DCLK1: variants seen among roughly 807,000 people sequenced by gnomAD.
The protein encoded by DCLK1 is serine/threonine-protein kinase DCLK1.
Under a neutral mutation model 86.2 loss-of-function variants are expected in DCLK1, and 16 were observed. The observed-to-expected ratio is 0.19, with a 90% CI of 0.13 to 0.28. The LOEUF (loss-of-function observed/expected upper bound fraction) is 0.28. DCLK1 is among the 10% of genes least tolerant of loss of function. The pLI, the probability that DCLK1 is intolerant of heterozygous loss-of-function variation, is 1.00. For synonymous variants in DCLK1, 369 were observed against 370.5 expected (o/e 1.00, Z 0.05); for missense variants, 590 against 940.2 (o/e 0.63, Z 4.87).
intron 3 of DCLK1, among the ~76,000 whole-genome samples, chr13:36,085,796 C>T (rs1404288023): frequency 1.3e-5 from 2 of 149,592 alleles, no homozygotes; most frequent in African/African-American, 5.0e-5. Context: ...AAGAGAGACA[C>T]ATGGGCAGAC....
chr13:36,069,249 G>A (rs910747484), intron 3 of DCLK1, among the ~76,000 whole-genome samples: 1 of 146,468 alleles, frequency 6.8e-6, no homozygotes, highest in Non-Finnish European at 1.5e-5. Context: ...TAGAGAAAAA[G>A]GTTTCAAGGG....
intron 4 of DCLK1, among the ~76,000 whole-genome samples, chr13:35,914,329 AAAAAT>A (rs1425486467): frequency 1.6e-4 from 6 of 37,138 alleles, no homozygotes; most frequent in African/African-American, 8.7e-4. Flanking sequence ...CAGAAAAAAA[AAAAAT>A]ATATATATAT....
At chr13:35,978,401 T>C (rs1344066233) in intron 3 of DCLK1, among the ~76,000 whole-genome samples, 2 of 151,968 alleles carry the variant, frequency 1.3e-5, no homozygotes, top group East Asian at 3.9e-4. Flanking sequence ...AGATGGAGTT[T>C]CACCATGTTG....
At chr13:36,078,190 G>A (rs1167772124) in intron 3 of DCLK1, among the ~76,000 whole-genome samples, 3 of 152,140 alleles carry the variant, frequency 2.0e-5, no homozygotes, top group Non-Finnish European at 4.4e-5. Context: ...ACCAAGAAGA[G>A]GGTCCTGAAT....
intron 4 of DCLK1, among the ~76,000 whole-genome samples, chr13:35,927,967 G>T (rs1242439940): frequency 6.6e-6 from 1 of 152,188 alleles, no homozygotes. Context: ...ACAAGGAGAG[G>T]ACCTGCAAGC....
intron 4 of DCLK1, among the ~76,000 whole-genome samples, chr13:35,929,838 T>G (rs1010554897): frequency 6.7e-6 from 1 of 149,458 alleles, no homozygotes; most frequent in East Asian, 2.0e-4. Flanking sequence ...AAAATGAAGA[T>G]GTCACCCACA....
At chr13:35,986,772 A>T (rs1359546370) in intron 3 of DCLK1, among the ~76,000 whole-genome samples, 6 of 152,176 alleles carry the variant, frequency 3.9e-5, no homozygotes, top group Non-Finnish European at 1.5e-5. Context: ...GGCAGATCCA[A>T]GATCCTTCCC....
intron 11 of DCLK1, among the ~76,000 whole-genome samples, chr13:35,813,017 G>A (rs887152101): frequency 6.6e-6 from 1 of 152,186 alleles, no homozygotes; most frequent in Non-Finnish European, 1.5e-5. Flanking sequence ...AAAACCCTAA[G>A]TTGTAGTCTT....
intron 3 of DCLK1, among the ~76,000 whole-genome samples, chr13:36,106,150 T>C (rs886557217): frequency 1.3e-5 from 2 of 151,882 alleles, no homozygotes; most frequent in African/African-American, 4.8e-5. Flanking sequence ...AGCCTTAAAA[T>C]ATACATCACT....
At chr13:36,051,794 A>G (rs778113971) in intron 3 of DCLK1, among the ~76,000 whole-genome samples, 19 of 152,142 alleles carry the variant, frequency 1.2e-4, no homozygotes, top group Non-Finnish European at 2.4e-4. Context: ...CTAAAAGTAC[A>G]ATGCCCCTTT....
intron 3 of DCLK1, among the ~76,000 whole-genome samples, chr13:35,967,455 A>G (rs1335516708): frequency 6.6e-6 from 1 of 152,246 alleles, no homozygotes; most frequent in African/African-American, 2.4e-5. Context: ...AAGTAGACAT[A>G]GGAGACTCCA....
chr13:36,093,823 G>C (rs962824499), intron 3 of DCLK1, among the ~76,000 whole-genome samples: 4 of 152,070 alleles, frequency 2.6e-5, no homozygotes, highest in African/African-American at 7.2e-5. Context: ...AGTATTTGTG[G>C]AATATAAAGA....
chr13:35,968,360 A>T (rs1878887557), intron 3 of DCLK1, among the ~76,000 whole-genome samples: 1 of 152,190 alleles, frequency 6.6e-6, no homozygotes, highest in Non-Finnish European at 1.5e-5. Context: ...GCAAAACTCA[A>T]CACAGCATGA....
intron 3 of DCLK1, among the ~76,000 whole-genome samples, chr13:36,050,368 G>A (rs569520406): frequency 6.6e-6 from 1 of 152,148 alleles, no homozygotes; most frequent in East Asian, 1.9e-4. Flanking sequence ...TTTTAACACA[G>A]CCATAGTGTA....
intron 1 of DCLK1, among the ~76,000 whole-genome samples, chr13:36,129,762 G>C (rs1886302553): frequency 6.6e-6 from 1 of 152,158 alleles, no homozygotes; most frequent in Non-Finnish European, 1.5e-5. Context: ...CAGCACCTCA[G>C]CCACAGCGAC....
chr13:35,902,607 T>G (rs1874436398), intron 4 of DCLK1, among the ~76,000 whole-genome samples: 1 of 152,076 alleles, frequency 6.6e-6, no homozygotes, highest in South Asian at 2.1e-4. Flanking sequence ...AGGGGGATGG[T>G]GACACTAATT....
intron 3 of DCLK1, among the ~76,000 whole-genome samples, chr13:35,986,542 G>A (rs1259307748): frequency 6.6e-6 from 1 of 152,072 alleles, no homozygotes; most frequent in African/African-American, 2.4e-5. Flanking sequence ...AAATAATGTG[G>A]GAAATCAAAA....
At chr13:36,110,134 C>T (rs577207574) in intron 3 of DCLK1, among the ~76,000 whole-genome samples, 1 of 152,058 alleles carries the variant, frequency 6.6e-6, no homozygotes, top group Non-Finnish European at 1.5e-5. Flanking sequence ...TAGATGAACT[C>T]CCATCTTGAG....
intron 3 of DCLK1, among the ~76,000 whole-genome samples, chr13:35,985,623 C>T (rs1879864818): frequency 6.6e-6 from 1 of 152,178 alleles, no homozygotes; most frequent in Admixed American, 6.5e-5. Context: ...GATGTCATCT[C>T]ATTTTTGATG....
Sources: allele counts gnomAD v4.1 joint callset (sites outside exome capture counted in the v4.1 genomes callset), GRCh38; gene constraint gnomAD v4.1.1; transcripts MANE v1.5; gene names NCBI Gene and HGNC (gene_info 2026-07-23, HGNC 2026-07-21).